Variants in RGR observed in about 807,000 individuals in gnomAD.
RGR encodes RPE-retinal G protein-coupled receptor.
A neutral mutation model predicts 28.6 loss-of-function variants in RGR; 30 were observed. That is an observed-to-expected ratio of 1.05 (90% CI 0.78 to 1.42). The LOEUF is 1.42. Ranked by LOEUF, RGR falls within the 40% of genes most tolerant of loss-of-function variation. The pLI is 0.00. For synonymous variants in RGR, 180 were observed against 156.4 expected, an observed-to-expected ratio of 1.15 and a Z score of -1.13; for missense variants, 404 against 375.6, an observed-to-expected ratio of 1.08 and a Z score of -0.62.
Position 84,258,514 on chromosome 10 carries a change from G to C in RGR, c.751G>C (p.Ala251Pro), listed in dbSNP as rs777299739. 6.2e-7 allele frequency: 1 copy of C among 1,614,182 alleles called. No individual in the cohort carries two copies. Among genetic ancestry groups the C allele is most frequent in the East Asian group, 2.2e-5 (1 of 44,892 alleles). ...GACTTTTCTGCCACAACAGGTGCCC[G>C]CCCTCATTGCCAAAATGGTGCCCAC... ...SISPKLQMVP[A>P]LIAKMVPTIN... Residue 251 changes from alanine (A) to proline (P), a missense_variant, in exon 7 of 7, where the codon GCC (alanine) becomes CCC (proline). By Grantham distance (27) the Ala-to-Pro change is conservative. Coordinates refer to ENST00000652092, the MANE Select transcript of RGR (RefSeq NM_001012720.2).
At chr10:84,247,049 G>T (rs1463788734) in intron 1 of RGR, among the ~76,000 whole-genome samples, 2 of 152,306 alleles carry the variant, frequency 1.3e-5, no homozygotes, top group East Asian at 3.9e-4. Context: ...GGTTCAGAGA[G>T]CTTAAGGAGC....
At chr10:84,248,373 G>A (rs923346804) in intron 2 of RGR, 3 of 255,334 alleles carry the variant, frequency 1.2e-5, no homozygotes, top group Non-Finnish European at 2.1e-5. Flanking sequence ...TTCTGAAGCA[G>A]ACTGGACATT....
At chr10:84,253,438 C>A (rs1005903474) in intron 4 of RGR, among the ~76,000 whole-genome samples, 2 of 152,140 alleles carry the variant, frequency 1.3e-5, no homozygotes, top group Admixed American at 1.3e-4. Context: ...GAGGGAATGC[C>A]CTGAGCATAC....
intron 4 of RGR, 35 bp downstream of exon 4, chr10:84,253,045 C>A (rs762267352): frequency 5.0e-6 from 8 of 1,606,164 alleles, no homozygotes; most frequent in Non-Finnish European, 6.8e-6. Flanking sequence ...GGCTCCTATC[C>A]ATGGGAATCT....
intron 1 of RGR, among the ~76,000 whole-genome samples, chr10:84,246,212 T>G (rs1196802266): frequency 6.6e-6 from 1 of 152,254 alleles, no homozygotes; most frequent in Non-Finnish European, 1.5e-5. Context: ...ATGCTTTGGT[T>G]TTTATTTTAT....
At chr10:84,256,035 C>CT (rs1842880901) in intron 5 of RGR, among the ~76,000 whole-genome samples, 3 of 42,336 alleles carry the variant, frequency 7.1e-5, no homozygotes, top group South Asian at 9.0e-4. Flanking sequence ...TTTTTTTTTT[C>CT]TTTGTTTCTT....
At chr10:84,250,228 G>A (rs1009628328) in intron 3 of RGR, among the ~76,000 whole-genome samples, 3 of 152,162 alleles carry the variant, frequency 2.0e-5, no homozygotes, top group Non-Finnish European at 2.9e-5. Context: ...GTCCAGCACA[G>A]AGGCTGCTGT....
intron 3 of RGR, among the ~76,000 whole-genome samples, chr10:84,252,071 T>C (rs1159119676): frequency 6.6e-6 from 1 of 152,118 alleles, no homozygotes; most frequent in East Asian, 1.9e-4. Context: ...TGAAGCCAGA[T>C]CCAGGAGGAA....
At chr10:84,246,069 G>A (rs1213548107) in intron 1 of RGR, among the ~76,000 whole-genome samples, 1 of 152,134 alleles carries the variant, frequency 6.6e-6, no homozygotes. Context: ...TCCCTTTCCT[G>A]AGAACCCTAC....
intron 5 of RGR, among the ~76,000 whole-genome samples, chr10:84,256,059 C>CTTTTTTTTT (rs61441525): frequency 3.1e-4 from 17 of 54,352 alleles, no homozygotes; most frequent in African/African-American, 5.2e-4. Context: ...TTTTTCCTTT[C>CTTTTTTTTT]TTTTTTTTTT....
intron 3 of RGR, 117 bp from the exon 4 acceptor site, chr10:84,252,740 A>T (rs1048929261): frequency 1.5e-6 from 2 of 1,317,318 alleles, no homozygotes; most frequent in Non-Finnish European, 2.2e-6. Flanking sequence ...ACTTTGGGAG[A>T]CTGAGGCTGG....
chr10:84,253,987 G>A (rs1234216682), intron 4 of RGR, among the ~76,000 whole-genome samples: 4 of 152,146 alleles, frequency 2.6e-5, no homozygotes, highest in African/African-American at 9.7e-5. Flanking sequence ...AAAACCTTTG[G>A]GCCTAGAATG....
At chr10:84,256,663 A>G (rs1358195711) in intron 5 of RGR, among the ~76,000 whole-genome samples, 1 of 152,186 alleles carries the variant, frequency 6.6e-6, no homozygotes, top group Admixed American at 6.5e-5. Flanking sequence ...CCTGGCTCCC[A>G]GCTGGCTGCT....
At chr10:84,254,300 C>G in intron 4 of RGR, 26 bp from the exon 5 acceptor site, 1 of 1,602,942 alleles carries the variant, frequency 6.2e-7, no homozygotes, top group South Asian at 1.1e-5. Flanking sequence ...GAGCTAACCC[C>G]AATCCTCCAC....
chr10:84,258,818 C>A lies in RGR; in HGVS notation c.*179C>A. On this transcript the variant is annotated 3_prime_UTR_variant, in exon 7 of 7. Transcript: ENST00000652092. ...GCTGCACAGAAAGAGCCAGATGGAC[C>A]TGAGTGTCGGTCACAGCCCCCTACA... is the stretch of plus-strand genomic sequence containing the variant. 4 of 869,708 alleles carry A rather than the reference C, an allele frequency of 4.6e-6. No homozygotes were observed. The East Asian group carries it at 8.1e-5, about 18-fold the overall frequency. The allele number at this position is 869,708 out of a possible 1,614,324, so 53.9% of individuals were successfully genotyped here.
At chr10:84,253,065 A>G in intron 4 of RGR, 55 bp downstream of exon 4, 1 of 1,589,292 alleles carries the variant, frequency 6.3e-7, no homozygotes, top group Non-Finnish European at 8.6e-7. Flanking sequence ...TTGGCTTTGA[A>G]CTCCTATGAC....
chr10:84,256,055 CTTTCTTTT>C (rs1842881928), intron 5 of RGR, among the ~76,000 whole-genome samples: 1 of 66,504 alleles, frequency 1.5e-5, no homozygotes, highest in African/African-American at 7.4e-5. Flanking sequence ...TTTTTTTTTC[CTTTCTTTT>C]TTTTTTTTTT....
chr10:84,253,414 G>A (rs1171413504), intron 4 of RGR, among the ~76,000 whole-genome samples: 3 of 152,154 alleles, frequency 2.0e-5, no homozygotes, highest in Non-Finnish European at 4.4e-5. Context: ...AGAACATTAA[G>A]GTCCTTGCAT....
In RGR at chr10:84,254,342, C is replaced by G. The variant is rs1305975427; in HGVS notation, c.529C>G (p.Leu177Val). 1.2e-6 allele frequency: 2 copies of G among 1,614,188 alleles called. No individual in the cohort carries two copies. The highest frequency in any genetic ancestry group is 1.7e-6 in the Non-Finnish European group (2 of 1,180,012). ...TCCCTGTAGAAACTTCACCAGCTTC[C>G]TCTTCACCATGTCCTTCTTCAACTT... Reference protein sequence around the residue: ...SKGDRNFTSFLFTMSFFNFAM... With the variant: ...SKGDRNFTSFVFTMSFFNFAM... The change falls in exon 5 of 7, where the codon CTC becomes GTC. Residue 177 changes from leucine (L) to valine (V), a missense_variant. Leu to Val is a conservative substitution (Grantham distance 32). Transcript: ENST00000652092.
Sources: allele counts gnomAD v4.1 joint callset (sites outside exome capture counted in the v4.1 genomes callset), GRCh38; gene constraint gnomAD v4.1.1; transcripts MANE v1.5; gene names NCBI Gene and HGNC (gene_info 2026-07-23, HGNC 2026-07-21).